OXR1: variants seen among roughly 807,000 people sequenced by gnomAD.
The protein encoded by OXR1 is oxidation resistance protein 1.
Under a neutral mutation model 104.6 loss-of-function variants are expected in OXR1, and 41 were observed. The ratio of observed to expected loss-of-function variants is 0.39; its 90% CI spans 0.31 to 0.51. OXR1 has a LOEUF of 0.51. Ranked by LOEUF, OXR1 falls within the 20% of genes least tolerant of loss-of-function variation. The pLI is 0.77. For synonymous variants in OXR1, 348 were observed against 348.4 expected (o/e 1.00, Z 0.01); for missense variants, 955 against 1,031.9 (o/e 0.93, Z 1.02).
At chr8:106,405,202 AGTGTGTGTGTGTGT>A (rs58338664) in intron 2 of OXR1, among the ~76,000 whole-genome samples, 1 of 20,046 alleles carries the variant, frequency 5.0e-5, no homozygotes, top group Non-Finnish European at 8.2e-5. Flanking sequence ...ATATATATAT[AGTGTGTGTGTGTGT>A]GTGTGTGTGT....
chr8:106,494,459 C>A (rs1478530587), intron 2 of OXR1, among the ~76,000 whole-genome samples: 1 of 152,054 alleles, frequency 6.6e-6, no homozygotes, highest in Non-Finnish European at 1.5e-5. Flanking sequence ...ATGAAAGGAG[C>A]CCTGAAAATG....
intron 2 of OXR1, among the ~76,000 whole-genome samples, chr8:106,421,202 C>T (rs1005497254): frequency 4.6e-5 from 7 of 152,046 alleles, no homozygotes; most frequent in African/African-American, 1.4e-4. Context: ...CCCTACAACC[C>T]ACACACATTC....
At chr8:106,432,928 G>T (rs1819418887) in intron 2 of OXR1, among the ~76,000 whole-genome samples, 1 of 152,034 alleles carries the variant, frequency 6.6e-6, no homozygotes, top group South Asian at 2.1e-4. Context: ...GCATCTTGTG[G>T]CAATTTGCTT....
chr8:106,679,341 T>C (rs1313601036), intron 4 of OXR1, 49 bp downstream of exon 4: 1 of 942,196 alleles, frequency 1.1e-6, no homozygotes, highest in South Asian at 1.5e-5. Context: ...AAGAGTCTTC[T>C]TTAAGACATT....
At chr8:106,689,222 GT>G (rs1223207852) in intron 6 of OXR1, among the ~76,000 whole-genome samples, 5 of 152,054 alleles carry the variant, frequency 3.3e-5, no homozygotes, top group Non-Finnish European at 7.4e-5. Flanking sequence ...TCTAACTGGT[GT>G]TTGCCAAGTA....
At chr8:106,688,075 T>C (rs1254965181) in intron 6 of OXR1, among the ~76,000 whole-genome samples, 1 of 152,210 alleles carries the variant, frequency 6.6e-6, no homozygotes, top group African/African-American at 2.4e-5. Flanking sequence ...ATTTTTTGAA[T>C]AAATATAGAA....
At chr8:106,577,686 G>A (rs6469076) in intron 3 of OXR1, among the ~76,000 whole-genome samples, 4,014 of 152,098 alleles carry the variant, frequency 0.026, 189 homozygotes, top group African/African-American at 0.092. Flanking sequence ...TACTGCGCCC[G>A]GCCAAAGCTA....
chr8:106,451,126 C>T (rs1820291189), intron 2 of OXR1, among the ~76,000 whole-genome samples: 1 of 152,108 alleles, frequency 6.6e-6, no homozygotes, highest in South Asian at 2.1e-4. Context: ...TGTGCTCATT[C>T]CCTCAGGGTT....
chr8:106,383,736 C>T (rs1817255321), intron 2 of OXR1, among the ~76,000 whole-genome samples: 1 of 152,102 alleles, frequency 6.6e-6, no homozygotes. Flanking sequence ...TAGGAATTAA[C>T]TTCATTGACT....
At chr8:106,406,393 C>T (rs1397882045) in intron 2 of OXR1, among the ~76,000 whole-genome samples, 1 of 152,110 alleles carries the variant, frequency 6.6e-6, no homozygotes, top group African/African-American at 2.4e-5. Flanking sequence ...GCCTGTCTCC[C>T]TGCAAATACC....
intron 3 of OXR1, among the ~76,000 whole-genome samples, chr8:106,590,624 A>G (rs1044677704): frequency 3.3e-5 from 5 of 152,182 alleles, no homozygotes; most frequent in African/African-American, 9.6e-5. Flanking sequence ...CTTTAAGCCT[A>G]TAACTCTTAG....
chr8:106,493,930 A>T (rs1811259569), intron 2 of OXR1, among the ~76,000 whole-genome samples: 1 of 152,192 alleles, frequency 6.6e-6, no homozygotes, highest in Non-Finnish European at 1.5e-5. Context: ...GCAAGTTTAC[A>T]TGGTCTTGAC....
chr8:106,658,244 G>T, intron 3 of OXR1: 1 of 1,229,210 alleles, frequency 8.1e-7, no homozygotes, highest in Non-Finnish European at 1.0e-6. Context: ...GCTGTGGGGA[G>T]GCGGCGGTCG....
chr8:106,326,329 T>C lies in OXR1; in HGVS notation c.-138-33147T>C, dbSNP rs1814467798. 2.6e-5 allele frequency among the ~76,000 whole-genome samples: 4 copies of C among 152,328 alleles called. No homozygotes were observed. The South Asian group carries it at 8.3e-4, about 32-fold the overall frequency. On this transcript the variant is annotated intron_variant, in intron 1 of 16. Transcript: ENST00000517566. ...CTCTGGTTAGGTAAATTTTCTCGTG[T>C]TTACATGGATCTTAAATGTTAACCT...
At chr8:106,337,876 T>G (rs896587222) in intron 1 of OXR1, among the ~76,000 whole-genome samples, 1 of 152,196 alleles carries the variant, frequency 6.6e-6, no homozygotes, top group Non-Finnish European at 1.5e-5. Context: ...TAGTTAAAAT[T>G]GTACATAATA....
chr8:106,533,712 CTT>C (rs34122715), intron 3 of OXR1, among the ~76,000 whole-genome samples: 80 of 132,410 alleles, frequency 6.0e-4, no homozygotes, highest in Admixed American at 8.6e-4. Flanking sequence ...GTTGAGTTTA[CTT>C]TTTTTTTTTT....
chr8:106,333,328 TA>T (rs776191718), intron 1 of OXR1, among the ~76,000 whole-genome samples: 2 of 152,118 alleles, frequency 1.3e-5, no homozygotes, highest in African/African-American at 2.4e-5. Flanking sequence ...AATTTTGAGT[TA>T]TTTATCTTTT....
chr8:106,653,181 C>T (rs1245283843), intron 3 of OXR1, among the ~76,000 whole-genome samples: 3 of 150,658 alleles, frequency 2.0e-5, no homozygotes, highest in Non-Finnish European at 4.4e-5. Flanking sequence ...TTCTACCAAA[C>T]ATTTAAAGAA....
intron 1 of OXR1, among the ~76,000 whole-genome samples, chr8:106,307,868 A>G (rs1221707843): frequency 6.6e-6 from 1 of 152,202 alleles, no homozygotes; most frequent in South Asian, 2.1e-4. Context: ...TTCTGAGGAT[A>G]CAGTAAAAGC....
Sources: allele counts gnomAD v4.1 joint callset (sites outside exome capture counted in the v4.1 genomes callset), GRCh38; gene constraint gnomAD v4.1.1; transcripts MANE v1.5; gene names NCBI Gene and HGNC (gene_info 2026-07-23, HGNC 2026-07-21).